TUSC3: variants seen among roughly 807,000 people sequenced by gnomAD.
TUSC3 encodes dolichyl-diphosphooligosaccharide--protein glycosyltransferase subunit TUSC3.
Under a neutral mutation model 44.8 loss-of-function variants are expected in TUSC3, and 45 were observed. The observed-to-expected ratio is 1.00, with a 90% CI of 0.79 to 1.29. The LOEUF (loss-of-function observed/expected upper bound fraction) is 1.29, where lower values mean the gene tolerates loss of function less well. TUSC3 is among the 50% of genes most tolerant of loss of function. The pLI, the probability that TUSC3 is intolerant of heterozygous loss-of-function variation, is 0.00. For missense variants in TUSC3, 519 were observed against 437.9 expected (o/e 1.19, Z -1.65); for synonymous variants, 212 against 152.9 (o/e 1.39, Z -2.85).
intron 1 of TUSC3, among the ~76,000 whole-genome samples, chr8:15,450,091 T>C (rs1295309515): frequency 6.6e-6 from 1 of 152,162 alleles, no homozygotes; most frequent in African/African-American, 2.4e-5. Flanking sequence ...TTCTTGTCAT[T>C]GAGTGACACA....
intron 2 of TUSC3, among the ~76,000 whole-genome samples, chr8:15,643,057 A>G (rs1055603593): frequency 5.3e-5 from 8 of 152,086 alleles, no homozygotes; most frequent in Non-Finnish European, 8.8e-5. Flanking sequence ...TGTTGTTCTG[A>G]TGATAGTGAG....
chr8:15,833,719 C>T, the TUSC3 span, among the ~76,000 whole-genome samples: 1 of 151,834 alleles, frequency 6.6e-6, no homozygotes, highest in African/African-American at 2.4e-5. Context: ...GAAATGACCA[C>T]AGAAAATAAC....
chr8:15,588,365 G>A (rs1166977025), intron 1 of TUSC3, among the ~76,000 whole-genome samples: 3 of 151,820 alleles, frequency 2.0e-5, no homozygotes, highest in Non-Finnish European at 2.9e-5. Flanking sequence ...CTTCTTTTTC[G>A]AAATGTCTAT....
At chr8:15,821,357 G>C in the TUSC3 span, among the ~76,000 whole-genome samples, 54 of 43,662 alleles carry the variant, frequency 1.2e-3, no homozygotes, top group African/African-American at 2.9e-3. Context: ...ATGTATCTAG[G>C]CATTTTTTTT....
chr8:15,510,580 T>C (rs963720669), intron 2 of TUSC3, among the ~76,000 whole-genome samples: 1 of 152,150 alleles, frequency 6.6e-6, no homozygotes, highest in Non-Finnish European at 1.5e-5. Flanking sequence ...TTTTTAAATA[T>C]CAGTTTGTAG....
intron 2 of TUSC3, among the ~76,000 whole-genome samples, chr8:15,529,441 T>A (rs192413288): frequency 1.4e-4 from 21 of 152,332 alleles, no homozygotes; most frequent in Non-Finnish European, 1.8e-4. Context: ...TTACTGTTGA[T>A]TACATAGACA....
intron 1 of TUSC3, among the ~76,000 whole-genome samples, chr8:15,619,921 G>GA (rs1447793003): frequency 2.6e-5 from 4 of 152,116 alleles, no homozygotes; most frequent in African/African-American, 9.7e-5. Context: ...TCAGAATTGT[G>GA]AAAAAATGAC....
At chr8:15,666,748 A>G (rs1807681122) in intron 5 of TUSC3, among the ~76,000 whole-genome samples, 1 of 151,572 alleles carries the variant, frequency 6.6e-6, no homozygotes, top group African/African-American at 2.4e-5. Context: ...CAATGAAATA[A>G]TGTTGTTTTT....
the TUSC3 span, among the ~76,000 whole-genome samples, chr8:15,808,865 T>TA: frequency 2.0e-5 from 3 of 152,152 alleles, no homozygotes; most frequent in African/African-American, 4.8e-5. Context: ...TGTCTTTTTT[T>TA]AAAAAAAGAT....
At chr8:15,448,131 A>ATATATATATATATATATATATATATATT (rs1563253394) in intron 1 of TUSC3, among the ~76,000 whole-genome samples, 6 of 144,086 alleles carry the variant, frequency 4.2e-5, no homozygotes, top group African/African-American at 1.3e-4. Context: ...TTATTTATTT[A>ATATATATATATATATATATATATATATT]TTTTTTAGAT....
intron 1 of TUSC3, among the ~76,000 whole-genome samples, chr8:15,457,991 A>G (rs78570931): frequency 0.011 from 1,724 of 151,926 alleles, 37 homozygotes; most frequent in African/African-American, 0.039. Context: ...AAACACATGC[A>G]ACATAATGTA....
chr8:15,452,466 A>G (rs989630928), intron 1 of TUSC3, among the ~76,000 whole-genome samples: 1 of 152,240 alleles, frequency 6.6e-6, no homozygotes, highest in African/African-American at 2.4e-5. Flanking sequence ...TTTATCAGTT[A>G]TAGATGATAT....
At chr8:15,418,623 G>T (rs972492673) in intron 1 of TUSC3, among the ~76,000 whole-genome samples, 1 of 152,186 alleles carries the variant, frequency 6.6e-6, no homozygotes, top group African/African-American at 2.4e-5. Context: ...AATAGGAGGA[G>T]AGTAATCGGT....
intron 2 of TUSC3, among the ~76,000 whole-genome samples, chr8:15,486,899 G>A (rs1800739388): frequency 6.6e-6 from 1 of 152,142 alleles, no homozygotes; most frequent in South Asian, 2.1e-4. Context: ...AATATATCCA[G>A]GGACTGTATT....
intron 2 of TUSC3, among the ~76,000 whole-genome samples, chr8:15,523,883 C>A (rs1166204727): frequency 6.6e-6 from 1 of 151,210 alleles, no homozygotes; most frequent in African/African-American, 2.4e-5. Context: ...TGGTGAAACC[C>A]CGTGTCTACT....
intron 2 of TUSC3, among the ~76,000 whole-genome samples, chr8:15,513,882 C>A (rs1801176005): frequency 6.6e-6 from 1 of 152,152 alleles, no homozygotes; most frequent in Non-Finnish European, 1.5e-5. Context: ...AATTTTTCCA[C>A]CTTTAGTCTG....
the TUSC3 span, chr8:15,806,844 C>G: frequency 1.0e-6 from 1 of 990,712 alleles, no homozygotes. Context: ...AAGTAAACGT[C>G]TAGAGTCTTC....
the TUSC3 span, among the ~76,000 whole-genome samples, chr8:15,788,849 G>A: frequency 6.6e-6 from 1 of 152,080 alleles, no homozygotes; most frequent in African/African-American, 2.4e-5. Context: ...TTAGTAATGA[G>A]GGCGAGGGGC....
intron 2 of TUSC3, among the ~76,000 whole-genome samples, chr8:15,642,867 A>C (rs1806441762): frequency 6.6e-6 from 1 of 152,204 alleles, no homozygotes; most frequent in African/African-American, 2.4e-5. Flanking sequence ...CCTCTTCCAA[A>C]CATTGAATTA....
Sources: allele counts gnomAD v4.1 joint callset (sites outside exome capture counted in the v4.1 genomes callset), GRCh38; gene constraint gnomAD v4.1.1; transcripts MANE v1.5; gene names NCBI Gene and HGNC (gene_info 2026-07-23, HGNC 2026-07-21).